NRP2: variants seen among roughly 807,000 people sequenced by gnomAD.
NRP2 encodes neuropilin-2.
A neutral mutation model predicts 110.4 loss-of-function variants in NRP2; 52 were observed. That is an observed-to-expected ratio of 0.47 (90% CI 0.38 to 0.59). NRP2 has a LOEUF of 0.59. NRP2 is among the 20% of genes least tolerant of loss of function. The pLI, the probability that NRP2 is intolerant of heterozygous loss-of-function variation, is 0.00. For missense variants in NRP2, 1,049 were observed against 1,203.0 expected (o/e 0.87, Z 1.89); for synonymous variants, 508 against 468.9 (o/e 1.08, Z -1.08).
At chr2:205,765,616 A>G in intron 14 of NRP2, 46 bp downstream of exon 14, 5 of 1,518,486 alleles carry the variant, frequency 3.3e-6, no homozygotes, top group Non-Finnish European at 4.6e-6. Context: ...ATAAGACCCC[A>G]AGGGCTGGGA....
At chr2:205,759,188 T>C (rs1015942827) in intron 12 of NRP2, among the ~76,000 whole-genome samples, 4 of 152,180 alleles carry the variant, frequency 2.6e-5, no homozygotes, top group African/African-American at 9.7e-5. Context: ...CCCTAGGAAG[T>C]AGACATTTGA....
chr2:205,771,953 G>C (rs917745442), intron 15 of NRP2, among the ~76,000 whole-genome samples: 4 of 152,232 alleles, frequency 2.6e-5, no homozygotes, highest in Non-Finnish European at 4.4e-5. Context: ...TGGCCAATAG[G>C]CCACAGTGAG....
chr2:205,726,229 G>A, intron 6 of NRP2, 147 bp downstream of exon 6: 1 of 870,534 alleles, frequency 1.1e-6, no homozygotes, highest in Non-Finnish European at 1.8e-6. Flanking sequence ...CCAAACAGAT[G>A]TGTATGCCAG....
intron 6 of NRP2, 109 bp downstream of exon 6, chr2:205,726,191 T>C: frequency 9.0e-7 from 1 of 1,108,268 alleles, no homozygotes; most frequent in Non-Finnish European, 1.3e-6. Context: ...AAACACAGCA[T>C]ACCTGAGAAC....
intron 15 of NRP2, 57 bp from the exon 16 acceptor site, chr2:205,792,178 T>C (rs1420385232): frequency 3.3e-6 from 4 of 1,227,744 alleles, no homozygotes; most frequent in Non-Finnish European, 4.8e-6. Context: ...CTCCCTGCCT[T>C]TTAGCCATGG....
intron 6 of NRP2, 59 bp downstream of exon 6, chr2:205,726,141 T>C: frequency 6.4e-7 from 1 of 1,553,600 alleles, no homozygotes; most frequent in Non-Finnish European, 8.9e-7. Flanking sequence ...GGTAGGAGGG[T>C]AGCTCCTCAA....
intron 1 of NRP2, among the ~76,000 whole-genome samples, chr2:205,685,239 G>C (rs984050775): frequency 4.7e-4 from 71 of 152,328 alleles, no homozygotes; most frequent in Non-Finnish European, 2.8e-4. Flanking sequence ...CGCGGAGTTC[G>C]GGGCAACCTC....
chr2:205,750,143 C>T (rs1214419047), intron 11 of NRP2, among the ~76,000 whole-genome samples: 1 of 152,248 alleles, frequency 6.6e-6, no homozygotes, highest in Non-Finnish European at 1.5e-5. Context: ...GTTGAGCCCT[C>T]ACTATCTTGC....
At chr2:205,716,453 A>C (rs2056898010) in intron 3 of NRP2, 79 bp downstream of exon 3, 2 of 1,472,520 alleles carry the variant, frequency 1.4e-6, no homozygotes, top group Admixed American at 1.7e-5. Context: ...GGGCTGAGGC[A>C]CTGGGTAAGG....
chr2:205,775,106 C>T (rs559803484), intron 15 of NRP2, among the ~76,000 whole-genome samples: 4 of 152,246 alleles, frequency 2.6e-5, no homozygotes, highest in South Asian at 2.1e-4. Context: ...TGCATCTTTC[C>T]GGCTTAATGC....
At chr2:205,731,728 T>C (rs1437760892) in intron 7 of NRP2, among the ~76,000 whole-genome samples, 2 of 152,204 alleles carry the variant, frequency 1.3e-5, no homozygotes, top group Non-Finnish European at 2.9e-5. Context: ...GGGTGCCAAA[T>C]GCACGCTATT....
At chr2:205,724,442 G>T (rs1490465391) in intron 5 of NRP2, among the ~76,000 whole-genome samples, 1 of 152,102 alleles carries the variant, frequency 6.6e-6, no homozygotes. Flanking sequence ...TGGTACAACT[G>T]CTTAGACTTG....
At chr2:205,740,778 T>G in intron 8 of NRP2, 115 bp downstream of exon 8, 1 of 1,147,158 alleles carries the variant, frequency 8.7e-7, no homozygotes, top group Non-Finnish European at 1.3e-6. Flanking sequence ...AAAGACTGGC[T>G]CAAGGACTCA....
At chr2:205,784,577 T>C (rs1001960283) in intron 15 of NRP2, among the ~76,000 whole-genome samples, 1 of 152,090 alleles carries the variant, frequency 6.6e-6, no homozygotes, top group Non-Finnish European at 1.5e-5. Flanking sequence ...ATGAGCCCCA[T>C]ATTAGTGTTT....
At chr2:205,779,157 G>C (rs936661870) in intron 15 of NRP2, 1 of 152,232 alleles carries the variant, frequency 6.6e-6, no homozygotes, top group Admixed American at 6.5e-5. Flanking sequence ...ATGAATGAAT[G>C]AGTGAATGAG....
intron 2 of NRP2, among the ~76,000 whole-genome samples, chr2:205,712,054 C>T (rs2056809149): frequency 1.3e-5 from 2 of 152,084 alleles, no homozygotes; most frequent in Admixed American, 6.6e-5. Flanking sequence ...TCCCATGGCC[C>T]AAATGTAGGT....
chr2:205,689,418 T>C (rs550659964), intron 1 of NRP2, among the ~76,000 whole-genome samples: 1 of 152,356 alleles, frequency 6.6e-6, no homozygotes, highest in African/African-American at 2.4e-5. Context: ...TTGGCACATA[T>C]GAAGCCCATT....
chr2:205,716,128 G>C (rs2056889309), intron 2 of NRP2, 65 bp from the exon 3 acceptor site: 1 of 1,521,538 alleles, frequency 6.6e-7, no homozygotes, highest in Admixed American at 1.7e-5. Flanking sequence ...ATAAGTGGGA[G>C]CGACACAGTG....
intron 15 of NRP2, among the ~76,000 whole-genome samples, chr2:205,775,334 T>G (rs1211757975): frequency 6.6e-6 from 1 of 152,210 alleles, no homozygotes; most frequent in Admixed American, 6.5e-5. Context: ...TTAAATCTAC[T>G]ACATCATCTC....
Sources: allele counts gnomAD v4.1 joint callset (sites outside exome capture counted in the v4.1 genomes callset), GRCh38; gene constraint gnomAD v4.1.1; transcripts MANE v1.5; gene names NCBI Gene and HGNC (gene_info 2026-07-23, HGNC 2026-07-21).